The following CLYBL variants were observed in gnomAD, a reference collection of about 807,000 sequenced individuals.
CLYBL encodes citramalyl-CoA lyase, also known as citramalyl-CoA lyase, mitochondrial.
A neutral mutation model predicts 38.9 loss-of-function variants in CLYBL; 31 were observed. That is an observed-to-expected ratio of 0.80 (90% CI 0.60 to 1.08). CLYBL has a LOEUF of 1.08. CLYBL is among the 50% of genes least tolerant of loss of function. The pLI is 0.00. For synonymous variants in CLYBL, 171 were observed against 158.6 expected (o/e 1.08, Z -0.59); for missense variants, 434 against 411.6 (o/e 1.05, Z -0.47).
At chr13:99,662,175 G>GTGT (rs1422294737) in intron 1 of CLYBL, among the ~76,000 whole-genome samples, 13 of 152,162 alleles carry the variant, frequency 8.5e-5, no homozygotes, top group African/African-American at 3.1e-4. Context: ...ACTTTGTGAT[G>GTGT]CTTTTAGTAA....
downstream of CLYBL, among the ~76,000 whole-genome samples, chr13:99,899,693 A>T (rs1216996030): frequency 6.6e-6 from 1 of 152,152 alleles, no homozygotes; most frequent in Non-Finnish European, 1.5e-5. Flanking sequence ...TTTTAAAATA[A>T]TTTTTTTAAA....
intron 1 of CLYBL, among the ~76,000 whole-genome samples, chr13:99,696,935 C>T (rs1766766981): frequency 6.6e-6 from 1 of 152,174 alleles, no homozygotes; most frequent in Non-Finnish European, 1.5e-5. Context: ...TGTATTGTAA[C>T]ATACTGCATC....
At chr13:99,908,936 C>CA (rs1294059272) in exon 10 of CLYBL, among the ~76,000 whole-genome samples, 5 of 152,292 alleles carry the variant, frequency 3.3e-5, no homozygotes, top group African/African-American at 1.2e-4. Context: ...ATATGTAACT[C>CA]AGAGTCCCAT....
intron 1 of CLYBL, among the ~76,000 whole-genome samples, chr13:99,705,801 G>C (rs973000194): frequency 4.6e-5 from 7 of 152,068 alleles, no homozygotes; most frequent in Non-Finnish European, 8.8e-5. Context: ...TTTCAGTAGG[G>C]GGTGATGGAA....
intron 1 of CLYBL, among the ~76,000 whole-genome samples, chr13:99,641,597 G>A (rs1348568335): frequency 1.3e-5 from 2 of 150,892 alleles, no homozygotes; most frequent in African/African-American, 2.4e-5. Flanking sequence ...GAGGTCAGGA[G>A]ATCAAGACCA....
intron 1 of CLYBL, among the ~76,000 whole-genome samples, chr13:99,712,709 T>C (rs2806290): frequency 0.062 from 9,511 of 152,234 alleles, 388 homozygotes; most frequent in East Asian, 0.11. Context: ...GTCGTCAATA[T>C]TAAGCAATAT....
chr13:99,717,319 G>A (rs915067680), intron 1 of CLYBL, among the ~76,000 whole-genome samples: 8 of 150,634 alleles, frequency 5.3e-5, no homozygotes, highest in Admixed American at 2.6e-4. Context: ...CCAGCTACTC[G>A]GGAGGCTGAG....
intron 1 of CLYBL, among the ~76,000 whole-genome samples, chr13:99,769,574 G>A (rs1323742720): frequency 6.6e-6 from 1 of 152,158 alleles, no homozygotes; most frequent in African/African-American, 2.4e-5. Context: ...ACATCATTAT[G>A]TTTTTTCCCT....
intron 7 of CLYBL, among the ~76,000 whole-genome samples, chr13:99,890,240 T>C (rs1054900419): frequency 3.9e-5 from 6 of 152,216 alleles, no homozygotes; most frequent in African/African-American, 1.2e-4. Flanking sequence ...CCTAGTCACA[T>C]GACCTTGGAA....
intron 2 of CLYBL, among the ~76,000 whole-genome samples, chr13:99,803,953 G>A (rs1050314169): frequency 3.9e-5 from 6 of 152,140 alleles, no homozygotes; most frequent in African/African-American, 7.2e-5. Context: ...TGCAGGTCTC[G>A]TAGCCATGAA....
At chr13:99,691,948 C>T (rs960005220) in intron 1 of CLYBL, among the ~76,000 whole-genome samples, 1 of 152,128 alleles carries the variant, frequency 6.6e-6, no homozygotes, top group East Asian at 1.9e-4. Context: ...ACGGAGCTCC[C>T]GGTCCCTGAG....
At chr13:99,853,425 G>C (rs1051826904) in intron 2 of CLYBL, among the ~76,000 whole-genome samples, 3 of 152,134 alleles carry the variant, frequency 2.0e-5, no homozygotes, top group African/African-American at 7.2e-5. Context: ...GAGTAAACAG[G>C]GTGCCTGGCA....
rs747770282 is a variant in CLYBL, at chr13:99,772,894, C to T, written c.133C>T (p.Arg45Trp). The stretch of plus-strand genomic sequence containing the variant: ...CTCATCCCATCACAAGTACATCCCC[C>T]GGAGGGCAGTGCTTTATGTACCTGG... Reference protein sequence around the residue: ...SSSSHHKYIPRRAVLYVPGND... With the variant: ...SSSSHHKYIPWRAVLYVPGND... Residue 45 changes from arginine to tryptophan, a missense_variant, in exon 2 of 9, where the codon CGG (arginine) becomes TGG (tryptophan). Coordinates refer to ENST00000339105, the MANE Select transcript of CLYBL (RefSeq NM_206808.5). The T allele has an allele frequency of 2.4e-5, 39 of 1,613,300 alleles. No homozygotes were observed. Among genetic ancestry groups the T allele is most frequent in the Middle Eastern group, 1.6e-4 (1 of 6,084 alleles).
At chr13:99,905,700 T>G (rs9517912) in intron 9 of CLYBL, among the ~76,000 whole-genome samples, 130,630 of 151,256 alleles carry the variant, frequency 0.86, 56,472 homozygotes, top group East Asian at 0.93. Flanking sequence ...CATAAAAAAG[T>G]GTTTTTTGGT....
chr13:99,759,281 A>G (rs539260525), intron 1 of CLYBL, among the ~76,000 whole-genome samples: 2 of 152,348 alleles, frequency 1.3e-5, no homozygotes, highest in East Asian at 3.9e-4. Context: ...GCCCTAAACT[A>G]GAATGTAAAT....
intron 1 of CLYBL, among the ~76,000 whole-genome samples, chr13:99,713,334 C>CTTTT (rs759844768): frequency 7.9e-5 from 8 of 101,666 alleles, no homozygotes; most frequent in Non-Finnish European, 1.2e-4. Context: ...TTCTCTATTT[C>CTTTT]TTTTTTTTTT....
intron 2 of CLYBL, among the ~76,000 whole-genome samples, chr13:99,773,969 C>T (rs1487093627): frequency 2.0e-5 from 3 of 151,958 alleles, no homozygotes; most frequent in African/African-American, 7.3e-5. Context: ...GTGGCTCATG[C>T]CTATAATCCC....
intron 2 of CLYBL, among the ~76,000 whole-genome samples, chr13:99,817,858 G>C (rs1306136395): frequency 6.6e-6 from 1 of 151,832 alleles, no homozygotes; most frequent in Non-Finnish European, 1.5e-5. Flanking sequence ...TTTAAAATTA[G>C]TCGGGCGTGG....
intron 1 of CLYBL, among the ~76,000 whole-genome samples, chr13:99,672,442 C>CT (rs1210700108): frequency 3.4e-4 from 52 of 152,026 alleles, no homozygotes; most frequent in Admixed American, 3.4e-3. Context: ...TTGAGAGTCT[C>CT]TTTTCTCTGT....
Sources: gnomAD v4.1 joint callset for allele counts (sites outside exome capture counted in the v4.1 genomes callset) on GRCh38, gnomAD v4.1.1 for gene constraint, MANE v1.5 for transcripts, NCBI Gene and HGNC (gene_info 2026-07-23, HGNC 2026-07-21) for gene names.